The following AGBL4 variants were observed in gnomAD, a reference collection of about 807,000 sequenced individuals.
The protein encoded by AGBL4 is AGBL carboxypeptidase 4, also known as cytosolic carboxypeptidase 6.
AGBL4 carries 58 observed loss-of-function variants against 66.4 expected under a neutral mutation model. The observed-to-expected ratio is 0.87, with a 90% CI of 0.71 to 1.09. The LOEUF (loss-of-function observed/expected upper bound fraction) is 1.09, where lower values mean the gene tolerates loss of function less well. Ranked by LOEUF, AGBL4 falls within the 50% of genes least tolerant of loss-of-function variation. The pLI is 0.00. For synonymous variants in AGBL4, 234 were observed against 222.9 expected, an observed-to-expected ratio of 1.05 and a Z score of -0.44; for missense variants, 579 against 631.0, an observed-to-expected ratio of 0.92 and a Z score of 0.88.
chr1:48,883,993 A>G (rs972568735), intron 5 of AGBL4, among the ~76,000 whole-genome samples: 19 of 152,330 alleles, frequency 1.2e-4, no homozygotes, highest in African/African-American at 4.6e-4. Context: ...TTTCCCAGCT[A>G]CAGTCCCTCA....
At chr1:49,376,284 C>T (rs1644470344) in intron 3 of AGBL4, among the ~76,000 whole-genome samples, 1 of 152,036 alleles carries the variant, frequency 6.6e-6, no homozygotes, top group East Asian at 1.9e-4. Context: ...TCTCAGCCTG[C>T]TTGTATCCTG....
chr1:49,992,226 G>A (rs1181321385), intron 1 of AGBL4, among the ~76,000 whole-genome samples: 1 of 152,046 alleles, frequency 6.6e-6, no homozygotes, highest in Non-Finnish European at 1.5e-5. Flanking sequence ...AAAAAAATTA[G>A]CCGGGCATGG....
chr1:49,227,384 A>AT (rs1422660523), intron 4 of AGBL4, among the ~76,000 whole-genome samples: 1 of 151,770 alleles, frequency 6.6e-6, no homozygotes, highest in East Asian at 1.9e-4. Flanking sequence ...GACTCTTAAC[A>AT]TTTTTTTTCA....
At chr1:49,035,453 A>T (rs970201285) in intron 5 of AGBL4, among the ~76,000 whole-genome samples, 2 of 152,092 alleles carry the variant, frequency 1.3e-5, no homozygotes, top group African/African-American at 4.8e-5. Flanking sequence ...CAAGTGCATG[A>T]TTTGGCTTTC....
intron 1 of AGBL4, among the ~76,000 whole-genome samples, chr1:50,012,165 CAA>C (rs34501869): frequency 6.3e-5 from 3 of 47,780 alleles, no homozygotes; most frequent in Non-Finnish European, 9.2e-5. Flanking sequence ...GACTCCGTCT[CAA>C]AAAAAAAAAA....
intron 6 of AGBL4, among the ~76,000 whole-genome samples, chr1:48,798,399 T>C (rs1250643149): frequency 2.0e-5 from 3 of 152,236 alleles, no homozygotes; most frequent in African/African-American, 7.2e-5. Flanking sequence ...ATGCATAGTT[T>C]GTGAAGATTT....
chr1:48,862,633 T>C (rs1249826604), intron 6 of AGBL4, among the ~76,000 whole-genome samples: 1 of 152,232 alleles, frequency 6.6e-6, no homozygotes, highest in Non-Finnish European at 1.5e-5. Context: ...AAAGTCACTT[T>C]CTTTATACCA....
At chr1:49,537,003 T>A (rs556519956) in intron 3 of AGBL4, among the ~76,000 whole-genome samples, 3 of 147,308 alleles carry the variant, frequency 2.0e-5, no homozygotes, top group Non-Finnish European at 3.0e-5. Context: ...CAAGACTCCA[T>A]CTCAAAAAAA....
chr1:48,590,704 ACCCACAC>A, intron 10 of AGBL4, 122 bp downstream of exon 10: 1 of 1,048,092 alleles, frequency 9.5e-7, no homozygotes, highest in Non-Finnish European at 1.3e-6. Flanking sequence ...TATCTTCATC[ACCCACAC>A]AATACCTAAC....
chr1:48,903,135 A>G (rs1177972401), intron 5 of AGBL4, among the ~76,000 whole-genome samples: 4 of 152,170 alleles, frequency 2.6e-5, no homozygotes, highest in Non-Finnish European at 5.9e-5. Context: ...CTTTTATCAG[A>G]GCAAATATTT....
At chr1:49,087,193 T>G (rs1413428829) in intron 4 of AGBL4, among the ~76,000 whole-genome samples, 2 of 152,098 alleles carry the variant, frequency 1.3e-5, no homozygotes, top group Non-Finnish European at 2.9e-5. Context: ...TCTTCTTACC[T>G]CCCAACAACT....
intron 9 of AGBL4, among the ~76,000 whole-genome samples, chr1:48,596,377 C>T (rs958940993): frequency 6.6e-6 from 1 of 152,058 alleles, no homozygotes; most frequent in Admixed American, 6.6e-5. Flanking sequence ...CAGATTTACC[C>T]CAGGAAGATG....
At chr1:49,463,287 A>G (rs1646554648) in intron 3 of AGBL4, among the ~76,000 whole-genome samples, 1 of 151,716 alleles carries the variant, frequency 6.6e-6, no homozygotes, top group African/African-American at 2.4e-5. Context: ...TATGGAGAAC[A>G]TATATACCCT....
intron 9 of AGBL4, among the ~76,000 whole-genome samples, chr1:48,622,853 A>T (rs1557835120): frequency 6.6e-6 from 1 of 152,222 alleles, no homozygotes. Flanking sequence ...CAATGCCTTA[A>T]GTAAGTCACA....
chr1:49,480,180 G>C (rs1023135864), intron 3 of AGBL4, among the ~76,000 whole-genome samples: 1 of 151,932 alleles, frequency 6.6e-6, no homozygotes, highest in African/African-American at 2.4e-5. Context: ...GGTCAAATTA[G>C]TTCTCTCTTT....
chr1:49,382,675 G>T (rs1287156272), intron 3 of AGBL4, among the ~76,000 whole-genome samples: 2 of 151,908 alleles, frequency 1.3e-5, no homozygotes, highest in African/African-American at 4.8e-5. Flanking sequence ...AATTAGCCAA[G>T]AAAAAGTAAA....
chr1:49,931,335 T>C (rs1472611140), intron 1 of AGBL4, among the ~76,000 whole-genome samples: 1 of 152,184 alleles, frequency 6.6e-6, no homozygotes, highest in Non-Finnish European at 1.5e-5. Flanking sequence ...CACAGTGCTA[T>C]AAAGATACTA....
intron 6 of AGBL4, among the ~76,000 whole-genome samples, chr1:48,755,754 T>C (rs1252076731): frequency 9.8e-5 from 15 of 152,334 alleles, no homozygotes; most frequent in Non-Finnish European, 1.5e-5. Flanking sequence ...ACTGGCACTC[T>C]GCGTTTTAAT....
At chr1:49,882,237 A>G (rs1446687118) in intron 1 of AGBL4, among the ~76,000 whole-genome samples, 1 of 149,466 alleles carries the variant, frequency 6.7e-6, no homozygotes, top group Non-Finnish European at 1.5e-5. Flanking sequence ...GTTCTGTTCC[A>G]TTGATCTATA....
Sources: gnomAD v4.1 joint callset for allele counts (sites outside exome capture counted in the v4.1 genomes callset) on GRCh38, gnomAD v4.1.1 for gene constraint, MANE v1.5 for transcripts, NCBI Gene and HGNC (gene_info 2026-07-23, HGNC 2026-07-21) for gene names.